Variants in SEMA3A observed in about 807,000 individuals in gnomAD.
SEMA3A encodes the protein semaphorin 3A.
In SEMA3A, 29 loss-of-function variants were observed where a neutral mutation model predicts 97.9. That is an observed-to-expected ratio of 0.30 (90% CI 0.22 to 0.40). The LOEUF (loss-of-function observed/expected upper bound fraction) is 0.40, where lower values mean the gene tolerates loss of function less well. Ranked by LOEUF, SEMA3A falls within the 10% of genes least tolerant of loss-of-function variation. The probability of loss-of-function intolerance (pLI) is 1.00; values close to 1 mark genes in which losing one functional copy is unlikely to be tolerated. For synonymous variants in SEMA3A, 321 were observed against 323.7 expected (o/e 0.99, Z 0.09); for missense variants, 763 against 951.3 (o/e 0.80, Z 2.60).
chr7:84,109,013 A>ACGTGC (rs1380018515), intron 4 of SEMA3A, among the ~76,000 whole-genome samples: 1 of 152,122 alleles, frequency 6.6e-6, no homozygotes, highest in African/African-American at 2.4e-5. Context: ...CTCATGTAAA[A>ACGTGC]AGTGCAATAT....
At chr7:84,469,845 T>C (rs1188190748) in intron 1 of SEMA3A, among the ~76,000 whole-genome samples, 4 of 152,006 alleles carry the variant, frequency 2.6e-5, no homozygotes, top group African/African-American at 9.7e-5. Flanking sequence ...AGTTCTTACA[T>C]ATAATAAGAC....
intron 4 of SEMA3A, among the ~76,000 whole-genome samples, chr7:84,104,539 G>A (rs149242134): frequency 6.7e-6 from 1 of 149,502 alleles, no homozygotes; most frequent in Non-Finnish European, 1.5e-5. Context: ...CAAATATTCA[G>A]GGAAATCAAG....
intron 3 of SEMA3A, among the ~76,000 whole-genome samples, chr7:84,246,445 T>TATGGTTTTGC (rs1799478798): frequency 6.6e-6 from 1 of 152,074 alleles, no homozygotes. Flanking sequence ...GCTAAAGACA[T>TATGGTTTTGC]TAAAAAGGAT....
intron 3 of SEMA3A, among the ~76,000 whole-genome samples, chr7:84,213,675 T>A: frequency 6.6e-6 from 1 of 152,316 alleles, no homozygotes; most frequent in Admixed American, 6.5e-5. Flanking sequence ...TAAAGATAAA[T>A]CTTTCTCTAT....
intron 6 of SEMA3A, among the ~76,000 whole-genome samples, chr7:84,045,953 A>G (rs79896010): frequency 0.053 from 7,287 of 137,390 alleles, 287 homozygotes; most frequent in East Asian, 0.21. Context: ...TTTCAAGGAA[A>G]CAATAAGAGA....
chr7:84,002,608 A>G (rs1790505507), intron 11 of SEMA3A, among the ~76,000 whole-genome samples: 1 of 152,222 alleles, frequency 6.6e-6, no homozygotes, highest in African/African-American at 2.4e-5. Flanking sequence ...AGTCTTTAGC[A>G]CTTAGAAGTT....
At chr7:84,421,317 C>T (rs192750244) in intron 1 of SEMA3A, among the ~76,000 whole-genome samples, 1 of 152,014 alleles carries the variant, frequency 6.6e-6, no homozygotes, top group African/African-American at 2.4e-5. Flanking sequence ...AAGACATCTC[C>T]ACATAAAAGT....
chr7:84,269,722 T>C (rs1800096137), intron 3 of SEMA3A, among the ~76,000 whole-genome samples: 1 of 152,122 alleles, frequency 6.6e-6, no homozygotes, highest in African/African-American at 2.4e-5. Flanking sequence ...AAAGCAACTC[T>C]CCACTTAGAG....
chr7:84,388,794 CAT>C (rs1359276236), intron 1 of SEMA3A, among the ~76,000 whole-genome samples: 1 of 151,998 alleles, frequency 6.6e-6, no homozygotes, highest in Non-Finnish European at 1.5e-5. Context: ...AGCCCCGCAG[CAT>C]TTCTCCTGAA....
At chr7:84,444,724 G>A (rs968225203) in intron 1 of SEMA3A, among the ~76,000 whole-genome samples, 28 of 151,886 alleles carry the variant, frequency 1.8e-4, no homozygotes, top group Admixed American at 1.0e-3. Context: ...ACCACACCTG[G>A]CTAATTTTTT....
chr7:84,161,878 T>A (rs1033626688), intron 1 of SEMA3A, among the ~76,000 whole-genome samples: 12 of 152,212 alleles, frequency 7.9e-5, no homozygotes, highest in Non-Finnish European at 1.3e-4. Context: ...CATTTAATAC[T>A]ATTAATGTTT....
intron 1 of SEMA3A, among the ~76,000 whole-genome samples, chr7:84,192,086 A>G (rs10256270): frequency 0.089 from 13,513 of 151,936 alleles, 853 homozygotes; most frequent in East Asian, 0.3. Flanking sequence ...GGATCTTTGA[A>G]AACAAGTGAC....
Position 83,956,244 on chromosome 7 carries a change from T to A in SEMA3A, c.*5127A>T, listed in dbSNP as rs183453796. 1.3e-5 allele frequency: 2 copies of A among 152,144 alleles called. No individual in the cohort carries two copies. The allele number at this position is 152,144 out of a possible 1,614,324, so 9.4% of individuals were successfully genotyped here. A position where few individuals can be genotyped will look rare whatever the true frequency, so the allele number is the denominator to read the frequency against. On this transcript the variant is annotated 3_prime_UTR_variant, in exon 17 of 17. Transcript: ENST00000265362. The stretch of plus-strand genomic sequence containing the variant: ...AGTCTTGTTTGTGAGCCACCTTGCT[T>A]TTTAGCAAGGCAATGTTGGAACTCA...
At chr7:84,436,931 G>C (rs561633555) in intron 1 of SEMA3A, among the ~76,000 whole-genome samples, 1 of 151,780 alleles carries the variant, frequency 6.6e-6, no homozygotes, top group East Asian at 1.9e-4. Context: ...TACTTTTTTC[G>C]TGAAAAGTGT....
intron 1 of SEMA3A, chr7:84,492,445 A>T (rs1309929983): frequency 1.3e-5 from 2 of 151,918 alleles, no homozygotes; most frequent in South Asian, 2.1e-4. Context: ...AAGAAAGAAA[A>T]TTTTTTCCAC....
At chr7:84,409,103 A>G (rs534793723) in intron 1 of SEMA3A, among the ~76,000 whole-genome samples, 8 of 150,062 alleles carry the variant, frequency 5.3e-5, no homozygotes, top group African/African-American at 1.9e-4. Context: ...AAATACAGTT[A>G]GAAGGATAGG....
intron 15 of SEMA3A, among the ~76,000 whole-genome samples, chr7:83,974,274 C>A (rs1160420118): frequency 1.3e-5 from 2 of 152,118 alleles, no homozygotes; most frequent in African/African-American, 4.8e-5. Context: ...TAGTTCACCA[C>A]TCGAGCCACT....
At chr7:84,196,955 C>T (rs1798246309), upstream of SEMA3A, among the ~76,000 whole-genome samples, 3 of 151,960 alleles carry the variant, frequency 2.0e-5, no homozygotes, top group South Asian at 6.3e-4. Context: ...TAAGTGTATC[C>T]ATTTCACCTG....
chr7:84,480,336 C>G (rs150410516), intron 1 of SEMA3A, among the ~76,000 whole-genome samples: 10 of 152,174 alleles, frequency 6.6e-5, no homozygotes, highest in African/African-American at 2.4e-4. Flanking sequence ...AGAGAAACAC[C>G]TGGAATGGAG....
Sources: allele counts gnomAD v4.1 joint callset (sites outside exome capture counted in the v4.1 genomes callset), GRCh38; gene constraint gnomAD v4.1.1; transcripts MANE v1.5; gene names NCBI Gene and HGNC (gene_info 2026-07-23, HGNC 2026-07-21).